ERBB4: variants seen among roughly 807,000 people sequenced by gnomAD.
ERBB4 encodes the protein receptor tyrosine-protein kinase erbB-4.
In ERBB4, 42 loss-of-function variants were observed where a neutral mutation model predicts 158.0. The ratio of observed to expected loss-of-function variants is 0.27; its 90% CI spans 0.21 to 0.34. ERBB4 has a LOEUF of 0.34. Ranked by LOEUF, ERBB4 falls within the 10% of genes least tolerant of loss-of-function variation. The pLI, the probability that ERBB4 is intolerant of heterozygous loss-of-function variation, is 1.00. For missense variants in ERBB4, 1,333 were observed against 1,624.1 expected, an observed-to-expected ratio of 0.82 and a Z score of 3.08; for synonymous variants, 583 against 558.7, an observed-to-expected ratio of 1.04 and a Z score of -0.61.
At chr2:212,309,898 T>TA (rs923379319) in intron 1 of ERBB4, among the ~76,000 whole-genome samples, 100 of 149,960 alleles carry the variant, frequency 6.7e-4, no homozygotes, top group Admixed American at 2.2e-3. Flanking sequence ...TCCTATATAA[T>TA]AAAAAAAAAC....
intron 1 of ERBB4, among the ~76,000 whole-genome samples, chr2:212,399,545 CATATATATATATATATAT>C (rs869111881): frequency 2.9e-4 from 11 of 38,100 alleles, no homozygotes; most frequent in Middle Eastern, 0.013. Flanking sequence ...TTTATATATA[CATATATATATATATATAT>C]ATATATATAT....
chr2:212,387,873 G>C (rs1429396473), intron 1 of ERBB4, among the ~76,000 whole-genome samples: 1 of 152,018 alleles, frequency 6.6e-6, no homozygotes, highest in Non-Finnish European at 1.5e-5. Context: ...ATGATTAACG[G>C]CAAAGATGGC....
rs771187505 is a variant in ERBB4, at chr2:212,382,475, AG to A, written c.82+155973del. On this transcript the variant is annotated intron_variant, in intron 1 of 27. Coordinates refer to ENST00000342788, the MANE Select transcript of ERBB4 (RefSeq NM_005235.3). The stretch of plus-strand genomic sequence containing the variant: ...TATACAACTGCATATATATTTATAT[AG>A]TTCACATTGTCCTACTATAAGTTCA... Among the ~76,000 whole-genome samples the A allele has an allele frequency of 9.5e-4, 144 of 151,004 alleles. 2 individuals are homozygous for A. Among genetic ancestry groups the A allele is most frequent in the Non-Finnish European group, 1.5e-3 (99 of 67,246 alleles).
intron 2 of ERBB4, among the ~76,000 whole-genome samples, chr2:212,034,783 T>TCA (rs1477037875): frequency 5.3e-5 from 8 of 152,110 alleles, no homozygotes; most frequent in African/African-American, 1.9e-4. Flanking sequence ...GAAACGTAAA[T>TCA]GACTTGGAAA....
At chr2:211,877,562 A>G (rs1310177898) in intron 3 of ERBB4, among the ~76,000 whole-genome samples, 1 of 140,430 alleles carries the variant, frequency 7.1e-6, no homozygotes, top group East Asian at 1.9e-4. Context: ...CCTCTTTAAA[A>G]TGTCTTTTTT....
intron 2 of ERBB4, among the ~76,000 whole-genome samples, chr2:212,112,629 G>A (rs921726039): frequency 3.9e-5 from 6 of 152,010 alleles, no homozygotes; most frequent in African/African-American, 9.7e-5. Flanking sequence ...CTGTGGTCCC[G>A]AGAAAGTCAT....
In ERBB4 at chr2:212,055,888, A is replaced by C. The variant is rs570723487; in HGVS notation, c.234+68864T>G. On this transcript the variant is annotated intron_variant, in intron 2 of 27. Transcript: ENST00000342788. ...TAGACCACCTCTCCCCGTCCAAAGGAGCGCAGCTCCTCACCAGCAATGGAA... is the reference window on the plus strand; with the variant it reads ...TAGACCACCTCTCCCCGTCCAAAGGCGCGCAGCTCCTCACCAGCAATGGAA... 3.9e-5 allele frequency among the ~76,000 whole-genome samples: 6 copies of C among 152,372 alleles called. No homozygotes were observed. The East Asian group carries it at 1.2e-3, about 29-fold the overall frequency.
At chr2:212,059,622 C>G (rs2077696970) in intron 2 of ERBB4, among the ~76,000 whole-genome samples, 3 of 151,980 alleles carry the variant, frequency 2.0e-5, no homozygotes, top group Admixed American at 6.6e-5. Context: ...AGAACAGAGC[C>G]CTCAGAAATA....
intron 1 of ERBB4, among the ~76,000 whole-genome samples, chr2:212,235,373 C>T (rs2083826866): frequency 6.6e-6 from 1 of 152,110 alleles, no homozygotes; most frequent in Admixed American, 6.5e-5. Context: ...GTTTTGGTTA[C>T]TGTAGCTTTG....
intron 20 of ERBB4, among the ~76,000 whole-genome samples, chr2:211,532,977 AAT>A (rs1201258891): frequency 1.3e-5 from 2 of 151,124 alleles, no homozygotes; most frequent in Admixed American, 1.3e-4. Context: ...GCATAAAACA[AAT>A]ATATTTCTTT....
intron 1 of ERBB4, among the ~76,000 whole-genome samples, chr2:212,409,775 T>C (rs1293116738): frequency 6.6e-6 from 1 of 152,074 alleles, no homozygotes; most frequent in African/African-American, 2.4e-5. Flanking sequence ...AACAGGATGA[T>C]AAAAGACTGA....
intron 19 of ERBB4, among the ~76,000 whole-genome samples, chr2:211,570,275 C>T (rs1400570164): frequency 3.3e-5 from 5 of 149,900 alleles, no homozygotes; most frequent in Non-Finnish European, 7.4e-5. Flanking sequence ...CCTCAGCCTC[C>T]TGAGTAGATG....
intron 1 of ERBB4, among the ~76,000 whole-genome samples, chr2:212,234,523 G>T (rs1411683489): frequency 6.6e-6 from 1 of 152,108 alleles, no homozygotes; most frequent in African/African-American, 2.4e-5. Flanking sequence ...GGGTCAAATG[G>T]TATTTCTGGT....
chr2:211,556,676 A>T (rs11899850), intron 20 of ERBB4, among the ~76,000 whole-genome samples: 3 of 151,908 alleles, frequency 2.0e-5, no homozygotes, highest in African/African-American at 7.3e-5. Context: ...ACCATAACAA[A>T]CACTCTCTCA....
At chr2:212,160,865 T>C (rs1372150129) in intron 1 of ERBB4, among the ~76,000 whole-genome samples, 2 of 151,938 alleles carry the variant, frequency 1.3e-5, no homozygotes, top group African/African-American at 2.4e-5. Context: ...TGAGGGTAGG[T>C]TGGGGAAGGG....
chr2:212,327,421 G>A (rs1215572347), intron 1 of ERBB4, among the ~76,000 whole-genome samples: 1 of 151,862 alleles, frequency 6.6e-6, no homozygotes, highest in Non-Finnish European at 1.5e-5. Context: ...AATGAGTTAT[G>A]GACTCTGAGA....
intron 3 of ERBB4, among the ~76,000 whole-genome samples, chr2:211,901,586 A>G (rs1364483016): frequency 6.6e-6 from 1 of 152,124 alleles, no homozygotes; most frequent in Admixed American, 6.6e-5. Flanking sequence ...CCACCTCACC[A>G]CTTGCACATG....
chr2:211,437,397 C>G (rs72949628), intron 20 of ERBB4, among the ~76,000 whole-genome samples: 13,244 of 152,182 alleles, frequency 0.087, 655 homozygotes, highest in East Asian at 0.17. Flanking sequence ...AGAATCAACT[C>G]ATATAAACTG....
At chr2:212,461,960 T>C (rs555193115) in intron 1 of ERBB4, among the ~76,000 whole-genome samples, 11 of 152,356 alleles carry the variant, frequency 7.2e-5, no homozygotes, top group Admixed American at 2.6e-4. Flanking sequence ...CTTTCTGCCA[T>C]GATTGTGAGG....
Sources: gnomAD v4.1 joint callset for allele counts (sites outside exome capture counted in the v4.1 genomes callset) on GRCh38, gnomAD v4.1.1 for gene constraint, MANE v1.5 for transcripts, NCBI Gene and HGNC (gene_info 2026-07-23, HGNC 2026-07-21) for gene names.